Variants in NTRK2 observed in about 807,000 individuals in gnomAD.
NTRK2 encodes the protein BDNF/NT-3 growth factors receptor.
A neutral mutation model predicts 94.5 loss-of-function variants in NTRK2; 13 were observed. The ratio of observed to expected loss-of-function variants is 0.14; its 90% CI spans 0.09 to 0.22. The LOEUF is 0.22. Ranked by LOEUF, NTRK2 falls within the 10% of genes least tolerant of loss-of-function variation. The probability of loss-of-function intolerance (pLI) is 1.00; values close to 1 mark genes in which losing one functional copy is unlikely to be tolerated. For missense variants in NTRK2, 639 were observed against 1,071.2 expected (o/e 0.60, Z 5.63); for synonymous variants, 372 against 407.4 (o/e 0.91, Z 1.05).
intron 2 of NTRK2, among the ~76,000 whole-genome samples, chr9:84,681,347 C>G (rs2059379055): frequency 1.3e-5 from 2 of 152,204 alleles, no homozygotes; most frequent in African/African-American, 2.4e-5. Context: ...TCTTCCTTCT[C>G]TGTAACCCCT....
At chr9:84,686,426 T>A (rs576810562) in intron 2 of NTRK2, among the ~76,000 whole-genome samples, 1 of 152,320 alleles carries the variant, frequency 6.6e-6, no homozygotes, top group African/African-American at 2.4e-5. Context: ...CAAATAGGTC[T>A]AATGAGAAAG....
intron 12 of NTRK2, among the ~76,000 whole-genome samples, chr9:84,827,614 C>T (rs953053349): frequency 2.6e-5 from 4 of 152,168 alleles, no homozygotes; most frequent in Admixed American, 1.3e-4. Context: ...TTGGGCCTGG[C>T]CTGTAGGCTG....
At chr9:84,946,861 A>G (rs2078615130) in intron 15 of NTRK2, among the ~76,000 whole-genome samples, 1 of 152,164 alleles carries the variant, frequency 6.6e-6, no homozygotes, top group African/African-American at 2.4e-5. Flanking sequence ...GGCCACCCAC[A>G]TTTCTTGGCT....
chr9:84,688,441 C>G (rs72737662), intron 2 of NTRK2, among the ~76,000 whole-genome samples: 8,954 of 152,140 alleles, frequency 0.059, 363 homozygotes, highest in Non-Finnish European at 0.09. Context: ...CACTTCAGTG[C>G]CCCACCCTCT....
At chr9:84,971,915 T>C (rs1357197167) in intron 17 of NTRK2, among the ~76,000 whole-genome samples, 1 of 152,190 alleles carries the variant, frequency 6.6e-6, no homozygotes, top group Non-Finnish European at 1.5e-5. Context: ...GAGATAGATT[T>C]CTGGCCAGAA....
intron 14 of NTRK2, among the ~76,000 whole-genome samples, chr9:84,931,339 G>A (rs2078018523): frequency 6.6e-6 from 1 of 151,834 alleles, no homozygotes; most frequent in South Asian, 2.1e-4. Context: ...CCTGGGAGGC[G>A]GAGGTTGCAG....
At chr9:84,830,472 T>G (rs2073471750) in intron 12 of NTRK2, among the ~76,000 whole-genome samples, 1 of 152,080 alleles carries the variant, frequency 6.6e-6, no homozygotes, top group Non-Finnish European at 1.5e-5. Context: ...CTCCTTATGC[T>G]TTAGAGCAGC....
intron 12 of NTRK2, among the ~76,000 whole-genome samples, chr9:84,767,306 T>G (rs1051398598): frequency 2.0e-5 from 3 of 152,224 alleles, no homozygotes; most frequent in African/African-American, 7.2e-5. Context: ...TTTTTCCTCC[T>G]CACAATGGTT....
At chr9:85,016,574 G>A (rs929607689) in intron 17 of NTRK2, among the ~76,000 whole-genome samples, 1 of 152,170 alleles carries the variant, frequency 6.6e-6, no homozygotes, top group African/African-American at 2.4e-5. Context: ...CATTGTGTTT[G>A]TTGCTGCACA....
intron 12 of NTRK2, among the ~76,000 whole-genome samples, chr9:84,797,704 TAC>T (rs2069652957): frequency 1.2e-5 from 1 of 83,130 alleles, no homozygotes; most frequent in Non-Finnish European, 2.1e-5. Context: ...ATATTATATA[TAC>T]TATAATAATA....
At chr9:84,810,717 G>A (rs201893498) in intron 12 of NTRK2, 429 of 1,555,376 alleles carry the variant, frequency 2.8e-4, no homozygotes, top group Middle Eastern at 5.5e-4. Context: ...AGATGTGGGC[G>A]GTGTTTGGAG....
At chr9:85,016,088 A>T (rs1476915181) in intron 17 of NTRK2, among the ~76,000 whole-genome samples, 1 of 152,170 alleles carries the variant, frequency 6.6e-6, no homozygotes, top group Non-Finnish European at 1.5e-5. Flanking sequence ...TTCTTCGTAA[A>T]TGTTGAAGAC....
rs924489771 is a variant in NTRK2 at position 84,670,636 on chromosome 9, G to C, written c.-113G>C. 11 of 1,032,326 alleles carry C rather than the reference G, an allele frequency of 1.1e-5. No homozygotes were observed. Among genetic ancestry groups the C allele is most frequent in the Admixed American group, 6.8e-5 (4 of 58,416 alleles). The allele number at this position is 1,032,326 out of a possible 1,614,324, so 63.9% of individuals were successfully genotyped here. The stretch of plus-strand genomic sequence containing the variant: ...GCTGGACTCGGCACGCCCGCAACAA[G>C]CACCGAGGAGTTAAGAGAGCCGCAA... On this transcript the variant is annotated 5_prime_UTR_variant, in exon 2 of 19. Transcript: ENST00000277120.
At chr9:84,767,391 A>G (rs1403898959) in intron 12 of NTRK2, among the ~76,000 whole-genome samples, 1 of 152,214 alleles carries the variant, frequency 6.6e-6, no homozygotes, top group Admixed American at 6.5e-5. Flanking sequence ...TGAAACTAAG[A>G]TTTTAAGACT....
chr9:84,796,617 A>G (rs2069359666), intron 12 of NTRK2, among the ~76,000 whole-genome samples: 2 of 152,240 alleles, frequency 1.3e-5, no homozygotes, highest in Admixed American at 1.3e-4. Flanking sequence ...CTATGATGTC[A>G]TAGGATTACA....
chr9:84,824,841 A>G (rs547251029), intron 12 of NTRK2, among the ~76,000 whole-genome samples: 1 of 152,260 alleles, frequency 6.6e-6, no homozygotes, highest in African/African-American at 2.4e-5. Flanking sequence ...AAAGCTATTC[A>G]TGGTTTTAAT....
chr9:84,888,974 TGACAGAAA>T (rs1304698738), intron 14 of NTRK2, among the ~76,000 whole-genome samples: 3 of 140,794 alleles, frequency 2.1e-5, no homozygotes, highest in Non-Finnish European at 4.5e-5. Flanking sequence ...TATTTATTAA[TGACAGAAA>T]TTTTTTTTTT....
chr9:84,950,801 ATGT>A (rs1366031915), intron 16 of NTRK2, among the ~76,000 whole-genome samples: 3 of 152,110 alleles, frequency 2.0e-5, no homozygotes, highest in Admixed American at 1.3e-4. Context: ...TAATCAAGAA[ATGT>A]TGTCCTCACA....
chr9:84,789,132 A>G lies in NTRK2; in HGVS notation c.1396+37047A>G, dbSNP rs2068450033. On this transcript the variant is annotated intron_variant, in intron 12 of 18. Coordinates refer to ENST00000277120, the MANE Select transcript of NTRK2 (RefSeq NM_006180.6). Reference sequence around the variant, plus strand: ...AAGAACAGCTAGGTTCTGATTTGCCAAGAGCTGAGGTATCTGCCTCTCATT... The same window carrying G: ...AAGAACAGCTAGGTTCTGATTTGCCGAGAGCTGAGGTATCTGCCTCTCATT... Among the ~76,000 whole-genome samples, 3 of 152,338 alleles carry G rather than the reference A, an allele frequency of 2.0e-5. No homozygotes were observed. The South Asian group carries it at 6.2e-4, about 32-fold the overall frequency.
Sources: gnomAD v4.1 joint callset for allele counts (sites outside exome capture counted in the v4.1 genomes callset) on GRCh38, gnomAD v4.1.1 for gene constraint, MANE v1.5 for transcripts, NCBI Gene and HGNC (gene_info 2026-07-23, HGNC 2026-07-21) for gene names.